The following INSR variants were observed in gnomAD, a reference collection of about 807,000 sequenced individuals.
INSR encodes IR.
A neutral mutation model predicts 142.6 loss-of-function variants in INSR; 67 were observed. The observed-to-expected ratio is 0.47, with a 90% CI of 0.39 to 0.58. The LOEUF (loss-of-function observed/expected upper bound fraction) is 0.58. Among genes scored for constraint, INSR ranks in the 20% least tolerant of loss-of-function variants. The pLI is 0.00. For synonymous variants in INSR, 756 were observed against 743.1 expected (o/e 1.02, Z -0.28); for missense variants, 1,248 against 1,833.2 (o/e 0.68, Z 5.83).
intron 2 of INSR, among the ~76,000 whole-genome samples, chr19:7,191,135 A>G (rs1343702967): frequency 1.3e-5 from 2 of 152,058 alleles, no homozygotes; most frequent in Admixed American, 1.3e-4. Context: ...CATCTCTACT[A>G]AAAATACAAA....
chr19:7,217,048 G>T (rs1337766934), intron 2 of INSR, among the ~76,000 whole-genome samples: 1 of 148,356 alleles, frequency 6.7e-6, no homozygotes, highest in Non-Finnish European at 1.5e-5. Context: ...GCCCACACTG[G>T]TCTCAAACTC....
Position 7,267,735 on chromosome 19 carries a change from A to G in INSR, c.262T>C (p.Leu88=), listed in dbSNP as rs61736580. The change falls in exon 2 of 22, where the codon TTG becomes CTG. Residue 88 remains leucine, a synonymous_variant. Transcript: ENST00000302850. The surrounding 1 kb of genome is among the most constrained non-coding windows in gnomAD (Gnocchi z 6.3). ...FPKLIMITDY[L]LLFRVYGLES... is the part of the protein sequence containing the mutation. ...AGCCCATAGACCCGGAAGAGCAGCA[A>G]GTAATCAGTGATCATGATGAGTTTG... 1.4e-3 allele frequency: 2,195 copies of G among 1,614,162 alleles called. 30 individuals are homozygous for G. In the African/African-American group the frequency reaches 0.026, roughly 19 times the overall value.
At chr19:7,181,658 C>T (rs894288780) in intron 3 of INSR, among the ~76,000 whole-genome samples, 12 of 151,670 alleles carry the variant, frequency 7.9e-5, no homozygotes, top group African/African-American at 2.9e-4. Context: ...CAACCTCTGC[C>T]TCCTGGGTTC....
chr19:7,141,008 A>T (rs1973058247), intron 13 of INSR, among the ~76,000 whole-genome samples: 1 of 152,152 alleles, frequency 6.6e-6, no homozygotes, highest in Admixed American at 6.6e-5. Flanking sequence ...TGTCTGGCTC[A>T]ATGGAAGCAT....
At position 7,226,732 on chromosome 19, in the gene INSR, A is replaced by G. The variant is rs796299103; in HGVS notation, c.652+40613T>C. On this transcript the variant is annotated intron_variant, in intron 2 of 21. Coordinates refer to ENST00000302850, the MANE Select transcript of INSR (RefSeq NM_000208.4). The stretch of plus-strand genomic sequence containing the variant: ...AACAGAGCCAGACCCTGTTTCCAAA[A>G]AAAAAAAAAAAATGCCTGAAGGAGG... Among the ~76,000 whole-genome samples the G allele has an allele frequency of 6.6e-5, 10 of 151,670 alleles. 1 individual carries two copies. The highest frequency in any genetic ancestry group is 2.4e-4 in the African/African-American group (10 of 41,378).
At chr19:7,259,167 TCTTCCCTCCTTCCTTC>T (rs1311333407) in intron 2 of INSR, among the ~76,000 whole-genome samples, 15 of 137,564 alleles carry the variant, frequency 1.1e-4, no homozygotes, top group South Asian at 6.9e-4. Flanking sequence ...TTCTTTTCTT[TCTTCCCTCCTTCCTTC>T]CTTCCCTCCT....
chr19:7,194,766 G>A (rs951780845), intron 2 of INSR, among the ~76,000 whole-genome samples: 5 of 150,596 alleles, frequency 3.3e-5, no homozygotes, highest in Non-Finnish European at 7.4e-5. Context: ...GTCTGCCTTG[G>A]CCTCTTAAAG....
Position 7,194,270 on chromosome 19 carries a change from A to G in INSR, c.653-9633T>C, listed in dbSNP as rs1974676688. The stretch of plus-strand genomic sequence containing the variant: ...ACTCTCTATTCAAAATACAAAAATT[A>G]GCTGGGCGTGGTGGTAGGCACCTAT... On this transcript the variant is annotated intron_variant, in intron 2 of 21. Transcript: ENST00000302850. Among the ~76,000 whole-genome samples, 3 of 151,974 alleles carry G rather than the reference A, an allele frequency of 2.0e-5. No homozygotes were observed. In the South Asian group the frequency reaches 6.2e-4, roughly 32 times the overall value.
At chr19:7,151,038 T>C (rs10421925) in intron 10 of INSR, among the ~76,000 whole-genome samples, 137,435 of 146,524 alleles carry the variant, frequency 0.94, 64,513 homozygotes, top group African/African-American at 0.98. Flanking sequence ...CTTCCTTCTT[T>C]TTTTCATTTT....
intron 2 of INSR, among the ~76,000 whole-genome samples, chr19:7,255,570 C>T (rs1295898698): frequency 2.9e-5 from 4 of 137,404 alleles, no homozygotes; most frequent in African/African-American, 8.1e-5. Flanking sequence ...TTCCTTCCTT[C>T]CTTCTGTTTT....
intron 1 of INSR, among the ~76,000 whole-genome samples, chr19:7,276,833 C>T (rs952911861): frequency 6.6e-6 from 1 of 152,056 alleles, no homozygotes; most frequent in Non-Finnish European, 1.5e-5. Context: ...CGGGTTCAAG[C>T]GATTCTCCTG....
At position 7,125,135 on chromosome 19, in the gene INSR, C is replaced by T. The variant is rs1972614457; in HGVS notation, c.3258+148G>A. 1.1e-6 allele frequency: 1 copy of T among 943,332 alleles called. No homozygotes were observed. The allele number at this position is 943,332 out of a possible 1,614,324, so 58.4% of individuals were successfully genotyped here. ...GGATTTGAGAAGGGAATGATCCCTC[C>T]TCACACCTCTAGGATGGGAAGCTTA... On this transcript the variant is annotated intron_variant, in intron 17 of 21. Transcript: ENST00000302850. The surrounding 1 kb of genome is among the most constrained non-coding windows in gnomAD (Gnocchi z 4.9).
At position 7,142,928 on chromosome 19, in the gene INSR, G is replaced by T; in HGVS notation, c.2430C>A (p.Ser810=). ...KVVNKESLVI[S]GLRHFTGYRI... ...GATAGCCCGTGAAGTGTCGCAAGCC[G>T]GAGATGACCAGCGACTCCTTGTTCA... The change falls in exon 12 of 22, where the codon TCC becomes TCA. Residue 810 remains serine (S), a synonymous_variant. Transcript: ENST00000302850. 1 of 1,614,148 alleles carries T rather than the reference G, an allele frequency of 6.2e-7. No individual in the cohort carries two copies. Among genetic ancestry groups the T allele is most frequent in the South Asian group, 1.1e-5 (1 of 91,088 alleles).
At chr19:7,197,986 A>AGT (rs1272335446) in intron 2 of INSR, among the ~76,000 whole-genome samples, 1 of 127,566 alleles carries the variant, frequency 7.8e-6, no homozygotes, top group African/African-American at 3.2e-5. Flanking sequence ...CCATGGTGGG[A>AGT]GTGTGTGTGT....
chr19:7,228,108 A>C (rs1419510829), intron 2 of INSR, among the ~76,000 whole-genome samples: 1 of 152,168 alleles, frequency 6.6e-6, no homozygotes, highest in Non-Finnish European at 1.5e-5. Context: ...ACTGTGGTAC[A>C]GGGTGGTTCT....
chr19:7,153,942 C>A (rs1393310992), intron 9 of INSR, among the ~76,000 whole-genome samples: 1 of 152,158 alleles, frequency 6.6e-6, no homozygotes, highest in Non-Finnish European at 1.5e-5. Context: ...AGGCAGACCA[C>A]CTGAGGTCAG....
intron 19 of INSR, among the ~76,000 whole-genome samples, chr19:7,122,279 C>G (rs971566237): frequency 1.3e-5 from 2 of 151,964 alleles, no homozygotes; most frequent in Non-Finnish European, 2.9e-5. Flanking sequence ...CCCATCTCCA[C>G]TAAAAATACA....
chr19:7,149,304 G>A (rs757079488), intron 11 of INSR, among the ~76,000 whole-genome samples: 9 of 152,244 alleles, frequency 5.9e-5, no homozygotes, highest in African/African-American at 4.8e-5. Context: ...CCACTAGAGG[G>A]CAGATCAGGC....
chr19:7,157,345 C>T (rs1973621136), intron 9 of INSR, among the ~76,000 whole-genome samples: 2 of 151,966 alleles, frequency 1.3e-5, no homozygotes, highest in Non-Finnish European at 1.5e-5. Context: ...GATCTCCCGA[C>T]CTCAGGTGAT....
Sources: gnomAD v4.1 joint callset for allele counts (sites outside exome capture counted in the v4.1 genomes callset) on GRCh38, gnomAD v4.1.1 for gene constraint, Gnocchi (gnomAD v3.1) non-coding constraint, MANE v1.5 for transcripts, NCBI Gene and HGNC (gene_info 2026-07-23, HGNC 2026-07-21) for gene names.